Variants in CTNNA1 observed in about 807,000 individuals in gnomAD.
The protein encoded by CTNNA1 is catenin alpha 1.
In CTNNA1, 37 loss-of-function variants were observed where a neutral mutation model predicts 98.4. That is an observed-to-expected ratio of 0.38 (90% CI 0.29 to 0.49). CTNNA1 has a LOEUF of 0.49. Among genes scored for constraint, CTNNA1 ranks in the 20% least tolerant of loss-of-function variants. The pLI is 0.95. For synonymous variants in CTNNA1, 404 were observed against 413.2 expected (o/e 0.98, Z 0.27); for missense variants, 761 against 1,147.2 (o/e 0.66, Z 4.86).
chr5:138,913,318 C>T (rs1761052910), intron 10 of CTNNA1, among the ~76,000 whole-genome samples: 1 of 151,976 alleles, frequency 6.6e-6, no homozygotes, highest in Admixed American at 6.6e-5. Context: ...TTTTTTCAGG[C>T]CAGGTGCTGT....
intron 10 of CTNNA1, among the ~76,000 whole-genome samples, chr5:138,914,210 ACG>A (rs1182902260): frequency 6.6e-6 from 1 of 152,206 alleles, no homozygotes; most frequent in Non-Finnish European, 1.5e-5. Flanking sequence ...AATAAGTAAA[ACG>A]TGTGATTAAT....
chr5:138,800,150 TAAAA>T (rs987476622), intron 3 of CTNNA1, among the ~76,000 whole-genome samples: 3 of 151,972 alleles, frequency 2.0e-5, no homozygotes, highest in African/African-American at 7.2e-5. Flanking sequence ...CAGACCACTG[TAAAA>T]AAAGAAAATC....
chr5:138,861,490 A>G (rs1764275793), intron 7 of CTNNA1, among the ~76,000 whole-genome samples: 1 of 152,224 alleles, frequency 6.6e-6, no homozygotes, highest in Non-Finnish European at 1.5e-5. Flanking sequence ...ATCCCAAGAA[A>G]ACTGGAATGA....
At chr5:138,895,485 T>C (rs1581549442) in intron 9 of CTNNA1, among the ~76,000 whole-genome samples, 1 of 142,124 alleles carries the variant, frequency 7.0e-6, no homozygotes, top group Admixed American at 6.8e-5. Flanking sequence ...TTAACTGACA[T>C]TGATTTGAGC....
At chr5:138,892,660 T>C (rs1427470635) in intron 9 of CTNNA1, among the ~76,000 whole-genome samples, 1 of 152,042 alleles carries the variant, frequency 6.6e-6, no homozygotes, top group Non-Finnish European at 1.5e-5. Context: ...ATTTTTTATA[T>C]TGCTTGTATG....
intron 7 of CTNNA1, among the ~76,000 whole-genome samples, chr5:138,849,068 G>A (rs769638118): frequency 3.3e-5 from 5 of 152,162 alleles, no homozygotes; most frequent in Admixed American, 6.5e-5. Flanking sequence ...GCATGGGGAA[G>A]CATGGCTCTG....
chr5:138,860,599 G>A (rs1351117737), intron 7 of CTNNA1, among the ~76,000 whole-genome samples: 1 of 152,124 alleles, frequency 6.6e-6, no homozygotes, highest in Middle Eastern at 3.2e-3. Context: ...GGGCTCAGGC[G>A]ATTCTCCTGC....
At chr5:138,893,322 C>G (rs1275246864) in intron 9 of CTNNA1, among the ~76,000 whole-genome samples, 1 of 152,090 alleles carries the variant, frequency 6.6e-6, no homozygotes, top group African/African-American at 2.4e-5. Context: ...GGTCAGCATC[C>G]CTAGGCTTTC....
chr5:138,766,870 TG>T (rs1752993772), intron 1 of CTNNA1, among the ~76,000 whole-genome samples: 1 of 151,764 alleles, frequency 6.6e-6, no homozygotes, highest in Admixed American at 6.6e-5. Flanking sequence ...CGGGAAGAGG[TG>T]GGGTTTGCTC....
At chr5:138,794,462 G>A (rs984407759) in intron 3 of CTNNA1, among the ~76,000 whole-genome samples, 6 of 152,170 alleles carry the variant, frequency 3.9e-5, no homozygotes, top group Non-Finnish European at 5.9e-5. Context: ...TATCATCTAG[G>A]GGTCTGTTTT....
chr5:138,912,108 G>C (rs1164902385), intron 10 of CTNNA1, among the ~76,000 whole-genome samples: 1 of 152,198 alleles, frequency 6.6e-6, no homozygotes, highest in Non-Finnish European at 1.5e-5. Context: ...CCAAGGGAGT[G>C]AGTCTACGTG....
chr5:138,760,090 G>A lies in CTNNA1; in HGVS notation c.-3+6580G>A, dbSNP rs1199283757. 1.0e-4 allele frequency among the ~76,000 whole-genome samples: 15 copies of A among 144,964 alleles called. No individual in the cohort carries two copies. In the Admixed American group the frequency reaches 1.1e-3, roughly 10 times the overall value. ...GCTCACCACAACCTCCGCCTCCCGGGTTCAAGCGATTCTCCTGCCTCAGCC... is the reference window on the plus strand; with the variant it reads ...GCTCACCACAACCTCCGCCTCCCGGATTCAAGCGATTCTCCTGCCTCAGCC... On this transcript the variant is annotated intron_variant, in intron 1 of 17. Transcript: ENST00000302763.
At chr5:138,778,851 G>T (rs934386855) in intron 1 of CTNNA1, among the ~76,000 whole-genome samples, 1 of 152,040 alleles carries the variant, frequency 6.6e-6, no homozygotes. Context: ...GGCAGTGGTT[G>T]GTAGTCTTTT....
chr5:138,900,224 G>A (rs1418988719), intron 9 of CTNNA1, among the ~76,000 whole-genome samples: 1 of 152,146 alleles, frequency 6.6e-6, no homozygotes, highest in Admixed American at 6.5e-5. Flanking sequence ...GAAAACTCGG[G>A]TGCTAGCTTG....
intron 13 of CTNNA1, among the ~76,000 whole-genome samples, chr5:138,928,923 G>A (rs1039552609): frequency 5.3e-5 from 8 of 149,874 alleles, no homozygotes; most frequent in African/African-American, 1.5e-4. Context: ...GTGACAGAGC[G>A]AGACTCTGTC....
At position 138,873,406 on chromosome 5, in the gene CTNNA1, T is replaced by C. The variant is rs1340842388; in HGVS notation, c.1063-12806T>C. 1.9e-6 allele frequency: 3 copies of C among 1,613,942 alleles called. No homozygotes were observed. The highest frequency in any genetic ancestry group is 2.5e-6 in the Non-Finnish European group (3 of 1,179,906). ...CTCCCACATGGTAACTTGATGAGCT[T>C]ATTCTTTTTGTATATTCAGTGGTTG... On this transcript the variant is annotated intron_variant, in intron 7 of 17. Coordinates refer to ENST00000302763, the MANE Select transcript of CTNNA1 (RefSeq NM_001903.5). The surrounding 1 kb of genome is among the most constrained non-coding windows in gnomAD (Gnocchi z 6.1).
At chr5:138,800,741 T>G (rs1757485855) in intron 3 of CTNNA1, among the ~76,000 whole-genome samples, 1 of 152,028 alleles carries the variant, frequency 6.6e-6, no homozygotes, top group Admixed American at 6.6e-5. Flanking sequence ...AGACGGAGGT[T>G]GCAGTGAGCT....
intron 5 of CTNNA1, among the ~76,000 whole-genome samples, chr5:138,823,174 C>CT (rs974704786): frequency 1.3e-5 from 2 of 152,092 alleles, no homozygotes; most frequent in Non-Finnish European, 2.9e-5. Context: ...TTACTAAAGC[C>CT]TTTTTTTCCC....
chr5:138,852,835 G>A (rs977565499), intron 7 of CTNNA1, among the ~76,000 whole-genome samples: 1 of 150,142 alleles, frequency 6.7e-6, no homozygotes, highest in Non-Finnish European at 1.5e-5. Flanking sequence ...TTTGCCTATA[G>A]ATTCCTGCTT....
Sources: allele counts gnomAD v4.1 joint callset (sites outside exome capture counted in the v4.1 genomes callset), GRCh38; gene constraint gnomAD v4.1.1; non-coding constraint Gnocchi (gnomAD v3.1); transcripts MANE v1.5; gene names NCBI Gene and HGNC (gene_info 2026-07-23, HGNC 2026-07-21).